Variants in NELL1 observed in about 807,000 individuals in gnomAD.
The protein encoded by NELL1 is neural EGFL like 1, also known as protein kinase C-binding protein NELL1.
In NELL1, 76 loss-of-function variants were observed where a neutral mutation model predicts 107.4. The observed-to-expected ratio is 0.71, with a 90% CI of 0.59 to 0.86. The LOEUF (loss-of-function observed/expected upper bound fraction) is 0.86. Among genes scored for constraint, NELL1 ranks in the 40% least tolerant of loss-of-function variants. NELL1 has a pLI of 0.00. For missense variants in NELL1, 1,024 were observed against 1,005.5 expected (o/e 1.02, Z -0.25); for synonymous variants, 353 against 341.2 (o/e 1.03, Z -0.38).
At chr11:21,144,527 G>A (rs563413106) in intron 13 of NELL1, among the ~76,000 whole-genome samples, 2 of 152,264 alleles carry the variant, frequency 1.3e-5, no homozygotes, top group East Asian at 3.9e-4. Flanking sequence ...GGAGATAAAG[G>A]TTTTGTTAGC....
intron 2 of NELL1, among the ~76,000 whole-genome samples, chr11:20,740,042 A>G (rs115695072): frequency 2.8e-3 from 425 of 152,336 alleles, no homozygotes; most frequent in African/African-American, 9.8e-3. Flanking sequence ...TTATAGCAGT[A>G]ACAAATAATC....
At chr11:21,213,652 C>G (rs2100430) in intron 13 of NELL1, among the ~76,000 whole-genome samples, 36,008 of 151,914 alleles carry the variant, frequency 0.24, 4,815 homozygotes, top group Non-Finnish European at 0.3. Flanking sequence ...ACACAAAGAT[C>G]AATAGAACAG....
intron 13 of NELL1, among the ~76,000 whole-genome samples, chr11:21,184,961 G>A (rs1856902877): frequency 6.6e-6 from 1 of 151,794 alleles, no homozygotes; most frequent in Non-Finnish European, 1.5e-5. Flanking sequence ...TTTGTTGTTA[G>A]CACCGATAAT....
At chr11:21,085,327 C>G (rs1317149603) in intron 12 of NELL1, among the ~76,000 whole-genome samples, 1 of 152,126 alleles carries the variant, frequency 6.6e-6, no homozygotes, top group African/African-American at 2.4e-5. Context: ...ATAAAAGGGA[C>G]TAGCTTTGGT....
chr11:21,487,305 T>G (rs145453417), intron 15 of NELL1, among the ~76,000 whole-genome samples: 6 of 152,148 alleles, frequency 3.9e-5, no homozygotes, highest in Non-Finnish European at 7.4e-5. Flanking sequence ...AGATGACATA[T>G]TCAATGTGCT....
chr11:20,779,333 A>G lies in NELL1; in HGVS notation c.185-4347A>G, dbSNP rs184672835. ...TACTTGTAAGTAACACTCTTATTCA[A>G]TCCTTTTTATCTGTGTTCAACACAC... On this transcript the variant is annotated intron_variant, in intron 2 of 19. Transcript: ENST00000357134. Among the ~76,000 whole-genome samples, 484 of 152,274 alleles carry G rather than the reference A, an allele frequency of 3.2e-3. 1 individual carries two copies. Among genetic ancestry groups the G allele is most frequent in the Non-Finnish European group, 4.6e-3 (311 of 68,020 alleles).
intron 2 of NELL1, among the ~76,000 whole-genome samples, chr11:20,704,060 G>T (rs60180770): frequency 0.013 from 2,013 of 152,030 alleles, 39 homozygotes; most frequent in African/African-American, 0.046. Flanking sequence ...GGGTATCCTT[G>T]TTAACTCTCT....
chr11:20,781,380 G>A (rs1007809455), intron 2 of NELL1, among the ~76,000 whole-genome samples: 12 of 152,122 alleles, frequency 7.9e-5, no homozygotes, highest in South Asian at 2.1e-4. Flanking sequence ...GAAGGTGAAC[G>A]TTTGAATTTA....
intron 3 of NELL1, among the ~76,000 whole-genome samples, chr11:20,821,545 T>C (rs997654725): frequency 6.6e-6 from 1 of 152,158 alleles, no homozygotes; most frequent in African/African-American, 2.4e-5. Flanking sequence ...GATTGTAGGG[T>C]AATAATGTCC....
rs1348172282 is a variant in NELL1 at position 20,721,214 on chromosome 11, T to A, written c.184+43154T>A. 1.9e-3 allele frequency among the ~76,000 whole-genome samples: 212 copies of A among 110,398 alleles called. 3 individuals are homozygous for A. The highest frequency in any genetic ancestry group is 9.4e-3 in the African/African-American group (191 of 20,238). 72.4% of individuals were successfully genotyped at this position (110,398 alleles called of 152,430 possible). ...ATATATATAGTGTATATATATATTT[T>A]GTTTATATATATATTTTGTTTATAT... is the stretch of plus-strand genomic sequence containing the variant. On this transcript the variant is annotated intron_variant, in intron 2 of 19. Coordinates refer to ENST00000357134, the MANE Select transcript of NELL1 (RefSeq NM_006157.5).
At chr11:20,778,363 A>G (rs1856787857) in intron 2 of NELL1, among the ~76,000 whole-genome samples, 2 of 152,182 alleles carry the variant, frequency 1.3e-5, no homozygotes. Flanking sequence ...CTTGTTGACA[A>G]TGAAATTCAC....
At chr11:21,349,877 G>C (rs1019913096) in intron 14 of NELL1, among the ~76,000 whole-genome samples, 3 of 152,028 alleles carry the variant, frequency 2.0e-5, no homozygotes, top group Admixed American at 2.0e-4. Context: ...CCAATATTAT[G>C]AATATAATTT....
At chr11:20,849,368 C>G (rs1408478861) in intron 4 of NELL1, among the ~76,000 whole-genome samples, 1 of 152,136 alleles carries the variant, frequency 6.6e-6, no homozygotes, top group Non-Finnish European at 1.5e-5. Context: ...GGTGCTTGGC[C>G]TTCAGTGCTC....
chr11:21,378,792 A>C (rs1243913641), intron 15 of NELL1, among the ~76,000 whole-genome samples: 5 of 148,190 alleles, frequency 3.4e-5, no homozygotes, highest in South Asian at 2.1e-4. Context: ...ATCTTGGCTC[A>C]CAGCATCCTC....
At chr11:21,205,231 G>A (rs1044523176) in intron 13 of NELL1, among the ~76,000 whole-genome samples, 3 of 152,152 alleles carry the variant, frequency 2.0e-5, no homozygotes, top group African/African-American at 7.2e-5. Context: ...TTCTCCCAGG[G>A]GCTCTGTCCC....
intron 12 of NELL1, among the ~76,000 whole-genome samples, chr11:21,054,965 C>T (rs1342219157): frequency 6.6e-6 from 1 of 151,992 alleles, no homozygotes; most frequent in Non-Finnish European, 1.5e-5. Flanking sequence ...AGTCAGTCCT[C>T]ACTGGTAGAC....
At chr11:20,979,161 T>C (rs902297205) in intron 12 of NELL1, among the ~76,000 whole-genome samples, 5 of 152,226 alleles carry the variant, frequency 3.3e-5, no homozygotes, top group African/African-American at 1.2e-4. Context: ...AGGAAGAAAC[T>C]GTAAATCTTT....
chr11:20,748,768 A>G (rs1035521866), intron 2 of NELL1, among the ~76,000 whole-genome samples: 2 of 152,056 alleles, frequency 1.3e-5, no homozygotes, highest in Admixed American at 6.6e-5. Flanking sequence ...ATAGTATTCC[A>G]TAGTATATGC....
intron 14 of NELL1, among the ~76,000 whole-genome samples, chr11:21,308,294 T>A (rs1044660881): frequency 6.6e-6 from 1 of 152,006 alleles, no homozygotes; most frequent in African/African-American, 2.4e-5. Context: ...ACTCACTAGA[T>A]TTGAAAATCT....
Sources: gnomAD v4.1 joint callset for allele counts (sites outside exome capture counted in the v4.1 genomes callset) on GRCh38, gnomAD v4.1.1 for gene constraint, MANE v1.5 for transcripts, NCBI Gene and HGNC (gene_info 2026-07-23, HGNC 2026-07-21) for gene names.